GLRA2: variants seen among roughly 807,000 people sequenced by gnomAD.
GLRA2 encodes the protein glycine receptor subunit alpha-2.
Under a neutral mutation model 31.6 loss-of-function variants are expected in GLRA2, and 11 were observed. That is an observed-to-expected ratio of 0.35 (90% CI 0.22 to 0.58). GLRA2 has a LOEUF of 0.58. GLRA2 is among the 20% of genes least tolerant of loss of function. The probability of loss-of-function intolerance (pLI) is 0.84; values close to 1 mark genes in which losing one functional copy is unlikely to be tolerated. For synonymous variants in GLRA2, 132 were observed against 134.0 expected (o/e 0.99, Z 0.10); for missense variants, 212 against 351.8 (o/e 0.60, Z 3.18).
At chrX:14,540,328 G>A (rs1054880295) in intron 2 of GLRA2, among the ~76,000 whole-genome samples, 2 of 111,326 alleles carry the variant, frequency 1.8e-5, no homozygotes, top group African/African-American at 6.5e-5. Flanking sequence ...CAGCTATACA[G>A]AAGGGTCACC....
intron 7 of GLRA2, among the ~76,000 whole-genome samples, chrX:14,684,056 A>C (rs944049756): frequency 9.0e-6 from 1 of 111,009 alleles, no homozygotes; most frequent in Non-Finnish European, 1.9e-5. Context: ...ACTAAAAAAT[A>C]AATAAATAAA....
the GLRA2 span, among the ~76,000 whole-genome samples, chrX:14,486,355 T>TGAC: frequency 1.8e-5 from 2 of 111,471 alleles, no homozygotes; most frequent in Non-Finnish European, 3.8e-5. Flanking sequence ...TTTTAAAAGA[T>TGAC]GACAGATACA....
chrX:14,569,632 G>A (rs1473615795), intron 2 of GLRA2, among the ~76,000 whole-genome samples: 1 of 112,609 alleles, frequency 8.9e-6, no homozygotes, highest in Non-Finnish European at 1.9e-5. Context: ...CAGATGTGGA[G>A]AAATTGGAAC....
At chrX:14,716,330 C>T (rs2091784487) in intron 8 of GLRA2, among the ~76,000 whole-genome samples, 1 of 111,548 alleles carries the variant, frequency 9.0e-6, no homozygotes, top group South Asian at 3.8e-4. Flanking sequence ...CCCAACCTCA[C>T]ACATCTAGGT....
intron 7 of GLRA2, among the ~76,000 whole-genome samples, chrX:14,679,105 A>G (rs1299026805): frequency 9.1e-6 from 1 of 110,147 alleles, no homozygotes; most frequent in African/African-American, 3.3e-5. Context: ...CATACACACC[A>G]CCACCACCAC....
At chrX:14,664,746 T>G (rs767925769) in intron 7 of GLRA2, among the ~76,000 whole-genome samples, 1 of 112,472 alleles carries the variant, frequency 8.9e-6, no homozygotes, top group Non-Finnish European at 1.9e-5. Flanking sequence ...CAAAATCATT[T>G]GTTGAATGAA....
rs1271093850 is a variant in GLRA2 at position 14,581,249 on chromosome X, C to A, written c.337C>A (p.Pro113Thr). Residue 113 changes from proline to threonine, a missense_variant, in exon 4 of 9, where the codon CCA (proline) becomes ACA (threonine). Physicochemically the swap from Pro to Thr is conservative, Grantham distance 38 (BLOSUM62 -1). This residue lies in a region of GLRA2 where 110 missense variants were observed against 232.6 expected (regional missense o/e 0.47). Transcript: ENST00000218075. ...TTCACGGCTGGCGTACAGTGAGTAC[C>A]CAGATGACTCCCTGGACTTGGACCC... ...NDSRLAYSEY[P>T]DDSLDLDPSM... is the part of the protein sequence containing the mutation. The A allele has an allele frequency of 8.4e-7, 1 of 1,186,903 alleles. No individual in the cohort carries two copies. The highest frequency in any genetic ancestry group is 1.1e-6 in the Non-Finnish European group (1 of 872,908).
chrX:14,538,298 G>A (rs189969084), intron 2 of GLRA2, among the ~76,000 whole-genome samples: 1 of 111,041 alleles, frequency 9.0e-6, no homozygotes, highest in East Asian at 2.9e-4. Flanking sequence ...GTTGTACTGA[G>A]GATCAAATGA....
At chrX:14,567,012 G>A (rs1306308762) in intron 2 of GLRA2, among the ~76,000 whole-genome samples, 1 of 111,069 alleles carries the variant, frequency 9.0e-6, no homozygotes, top group Non-Finnish European at 1.9e-5. Context: ...TTGTGGTTGC[G>A]TCATTAAAGC....
At chrX:14,507,779 C>T in the GLRA2 span, among the ~76,000 whole-genome samples, 2 of 98,095 alleles carry the variant, frequency 2.0e-5, no homozygotes, top group East Asian at 3.1e-4. Flanking sequence ...CTGCAACCTC[C>T]GCCTCCTGGG....
chrX:14,493,597 A>G, the GLRA2 span, among the ~76,000 whole-genome samples: 1 of 103,471 alleles, frequency 9.7e-6, no homozygotes, highest in African/African-American at 3.6e-5. Context: ...ACATATATAC[A>G]TATATACACA....
the GLRA2 span, among the ~76,000 whole-genome samples, chrX:14,515,267 A>T: frequency 8.9e-6 from 1 of 111,947 alleles, no homozygotes; most frequent in Admixed American, 9.5e-5. Flanking sequence ...TAGTAATTTT[A>T]AAAAATCTAT....
intron 7 of GLRA2, among the ~76,000 whole-genome samples, chrX:14,611,936 CTAG>C (rs964708439): frequency 1.8e-5 from 2 of 111,706 alleles, no homozygotes; most frequent in African/African-American, 6.5e-5. Flanking sequence ...TTGTACCAAC[CTAG>C]TAGATCAGAC....
the GLRA2 span, among the ~76,000 whole-genome samples, chrX:14,451,534 G>A: frequency 2.8e-5 from 3 of 108,064 alleles, no homozygotes; most frequent in African/African-American, 6.8e-5. Context: ...GGAGGCTGAG[G>A]CAGGAGAATT....
chrX:14,633,686 G>A (rs1008884530), intron 7 of GLRA2, among the ~76,000 whole-genome samples: 2 of 111,234 alleles, frequency 1.8e-5, no homozygotes, highest in African/African-American at 3.3e-5. Flanking sequence ...ATAGTTCTGC[G>A]TGGCTGGGGA....
chrX:14,587,150 C>T (rs1025199377), intron 4 of GLRA2, among the ~76,000 whole-genome samples: 7 of 111,971 alleles, frequency 6.3e-5, no homozygotes, highest in South Asian at 3.7e-4. Flanking sequence ...TTTATGGCTG[C>T]GTAGTATTCT....
chrX:14,452,906 T>C, the GLRA2 span, among the ~76,000 whole-genome samples: 5 of 112,130 alleles, frequency 4.5e-5, no homozygotes, highest in East Asian at 2.8e-4. Context: ...CTCACAGATA[T>C]TCTGAATTTG....
intron 7 of GLRA2, among the ~76,000 whole-genome samples, chrX:14,636,392 C>T (rs62586498): frequency 0.23 from 25,761 of 109,883 alleles, 2,270 homozygotes; most frequent in Middle Eastern, 0.27. Context: ...TATATAACCT[C>T]GGTATGATGT....
chrX:14,486,431 T>C, the GLRA2 span, among the ~76,000 whole-genome samples: 2 of 111,129 alleles, frequency 1.8e-5, no homozygotes, highest in Non-Finnish European at 3.8e-5. Flanking sequence ...AAATAGACCA[T>C]GAAAAGTAAG....
Sources: gnomAD v4.1 joint callset for allele counts (sites outside exome capture counted in the v4.1 genomes callset) on GRCh38, gnomAD v4.1.1 for gene constraint, gnomAD v4.1.1 regional missense constraint, MANE v1.5 for transcripts, NCBI Gene and HGNC (gene_info 2026-07-23, HGNC 2026-07-21) for gene names.